NBEA: variants seen among roughly 807,000 people sequenced by gnomAD.
The protein encoded by NBEA is neurobeachin, also known as lysosomal-trafficking regulator 2.
In NBEA, 44 loss-of-function variants were observed where a neutral mutation model predicts 343.4. That is an observed-to-expected ratio of 0.13 (90% CI 0.10 to 0.16). The LOEUF (loss-of-function observed/expected upper bound fraction) is 0.16, where lower values mean the gene tolerates loss of function less well. NBEA is among the 10% of genes least tolerant of loss of function. NBEA has a pLI of 1.00. For synonymous variants in NBEA, 1,175 were observed against 1,238.7 expected, an observed-to-expected ratio of 0.95 and a Z score of 1.08; for missense variants, 2,555 against 3,631.3, an observed-to-expected ratio of 0.70 and a Z score of 7.62.
chr13:35,464,640 C>T (rs2047074651), intron 40 of NBEA, among the ~76,000 whole-genome samples: 1 of 152,108 alleles, frequency 6.6e-6, no homozygotes, highest in Admixed American at 6.6e-5. Flanking sequence ...AGTTGTATGA[C>T]CTCTAAATTA....
chr13:35,385,890 T>G (rs1456953336), intron 38 of NBEA, among the ~76,000 whole-genome samples: 2 of 152,112 alleles, frequency 1.3e-5, no homozygotes, highest in East Asian at 3.9e-4. Context: ...ATAAATAACA[T>G]TTACCATCAC....
Position 35,452,124 on chromosome 13 carries a change from A to G in NBEA, c.6337A>G (p.Thr2113Ala). 1.9e-6 allele frequency: 3 copies of G among 1,612,762 alleles called. No homozygotes were observed. The highest frequency in any genetic ancestry group is 2.5e-6 in the Non-Finnish European group (3 of 1,179,298). Residue 2113 changes from threonine to alanine, a missense_variant, in exon 40 of 59, where the codon ACA becomes GCA. Around this residue, in one of 21 missense-constraint regions of NBEA, gnomAD observed 246 missense variants for 313.7 expected, o/e 0.78. Transcript: ENST00000379939. ...AGAAGATGTAGTAAAGTCAAAGAAA[A>G]CATTCAGAAGTCAAGCAATAGTGAA... ...TEEDVVKSKKTFRSQAIVNQN... is the reference protein window; with the variant it reads ...TEEDVVKSKKAFRSQAIVNQN...
chr13:35,634,048 A>T (rs1338778285), intron 49 of NBEA, among the ~76,000 whole-genome samples: 1 of 152,022 alleles, frequency 6.6e-6, no homozygotes, highest in Non-Finnish European at 1.5e-5. Flanking sequence ...TTATATTTTT[A>T]AAAGTTTTAC....
At chr13:34,945,682 C>CA (rs1300663790) in intron 1 of NBEA, among the ~76,000 whole-genome samples, 4 of 151,528 alleles carry the variant, frequency 2.6e-5, no homozygotes, top group East Asian at 1.9e-4. Context: ...AATGAAACTT[C>CA]AAAAAAAAGA....
At chr13:35,559,789 G>A (rs1359967970) in intron 44 of NBEA, among the ~76,000 whole-genome samples, 2 of 151,840 alleles carry the variant, frequency 1.3e-5, no homozygotes, top group East Asian at 1.9e-4. Flanking sequence ...GGTAGCGGGC[G>A]CCTGTAGTCC....
At chr13:35,471,352 T>A (rs2075640667) in intron 40 of NBEA, among the ~76,000 whole-genome samples, 1 of 152,188 alleles carries the variant, frequency 6.6e-6, no homozygotes. Context: ...GCGGGGAACC[T>A]AACTTTTTAT....
At chr13:35,666,410 TAAAAAAA>T (rs75335884) in intron 56 of NBEA, among the ~76,000 whole-genome samples, 16 of 125,612 alleles carry the variant, frequency 1.3e-4, no homozygotes, top group African/African-American at 4.1e-4. Flanking sequence ...CCTGTGAAGT[TAAAAAAA>T]AAAAAAAAAA....
At chr13:34,951,543 C>G (rs1036771319) in intron 1 of NBEA, among the ~76,000 whole-genome samples, 1 of 152,142 alleles carries the variant, frequency 6.6e-6, no homozygotes, top group Non-Finnish European at 1.5e-5. Flanking sequence ...GCCTAGTGAC[C>G]TGTCAGGGAG....
chr13:35,253,757 A>G (rs930191553), intron 34 of NBEA, among the ~76,000 whole-genome samples: 3 of 152,188 alleles, frequency 2.0e-5, no homozygotes, highest in Non-Finnish European at 4.4e-5. Flanking sequence ...TAGTTCACAA[A>G]GCCTAAAATA....
intron 45 of NBEA, among the ~76,000 whole-genome samples, chr13:35,581,890 AAAAAAAAAAGAAAAG>A (rs1458216712): frequency 1.2e-4 from 14 of 115,776 alleles, no homozygotes; most frequent in African/African-American, 2.7e-4. Flanking sequence ...TAATTAAAAA[AAAAAAAAAAGAAAAG>A]AAAAAAAAAG....
chr13:35,400,885 T>C (rs1168332562), intron 38 of NBEA, among the ~76,000 whole-genome samples: 1 of 151,730 alleles, frequency 6.6e-6, no homozygotes, highest in Non-Finnish European at 1.5e-5. Flanking sequence ...GTTTTTAGGC[T>C]CATTCTTTTT....
intron 4 of NBEA, among the ~76,000 whole-genome samples, chr13:35,046,572 A>G (rs183999957): frequency 2.0e-4 from 31 of 152,256 alleles, no homozygotes; most frequent in Non-Finnish European, 3.5e-4. Flanking sequence ...TATAATACAT[A>G]CTATGGTTTT....
chr13:35,152,888 GT>G (rs1391012207), intron 18 of NBEA, among the ~76,000 whole-genome samples: 3 of 151,990 alleles, frequency 2.0e-5, no homozygotes, highest in Non-Finnish European at 2.9e-5. Flanking sequence ...GGGGTTTGGG[GT>G]TACTATGCAT....
intron 41 of NBEA, among the ~76,000 whole-genome samples, chr13:35,495,683 G>A (rs1275168716): frequency 1.3e-5 from 2 of 151,926 alleles, no homozygotes; most frequent in African/African-American, 4.8e-5. Context: ...CACATCTGCA[G>A]AACACTCCCA....
chr13:35,450,696 G>T (rs918670760), intron 39 of NBEA, among the ~76,000 whole-genome samples: 1 of 152,060 alleles, frequency 6.6e-6, no homozygotes, highest in East Asian at 1.9e-4. Flanking sequence ...GATTTATAAG[G>T]CTCCCATTTC....
chr13:35,549,400 C>T (rs576179916), intron 41 of NBEA, among the ~76,000 whole-genome samples: 74 of 152,132 alleles, frequency 4.9e-4, no homozygotes, highest in African/African-American at 1.6e-3. Context: ...AATATAAGTG[C>T]GGTAGAGTAT....
chr13:35,324,397 T>A (rs370817552), intron 36 of NBEA, among the ~76,000 whole-genome samples: 32 of 152,350 alleles, frequency 2.1e-4, no homozygotes, highest in African/African-American at 7.0e-4. Flanking sequence ...AGATCAATAT[T>A]TGAAAAACCA....
chr13:35,625,534 A>G (rs1022454603), intron 48 of NBEA, among the ~76,000 whole-genome samples: 3 of 152,114 alleles, frequency 2.0e-5, no homozygotes, highest in Non-Finnish European at 2.9e-5. Context: ...CTGAGATGGA[A>G]GGATCACTGG....
At chr13:35,563,249 A>T (rs2079968429) in intron 44 of NBEA, among the ~76,000 whole-genome samples, 1 of 151,906 alleles carries the variant, frequency 6.6e-6, no homozygotes, top group Admixed American at 6.6e-5. Context: ...CAATTATAGC[A>T]CCAGTGTATT....
Sources: allele counts gnomAD v4.1 joint callset (sites outside exome capture counted in the v4.1 genomes callset), GRCh38; gene constraint gnomAD v4.1.1; regional missense constraint gnomAD v4.1.1; transcripts MANE v1.5; gene names NCBI Gene and HGNC (gene_info 2026-07-23, HGNC 2026-07-21).